KPNA1: variants seen among roughly 807,000 people sequenced by gnomAD.
The protein encoded by KPNA1 is karyopherin subunit alpha 1.
Under a neutral mutation model 70.5 loss-of-function variants are expected in KPNA1, and 10 were observed. That is an observed-to-expected ratio of 0.14 (90% CI 0.09 to 0.24). The LOEUF (loss-of-function observed/expected upper bound fraction) is 0.24. Ranked by LOEUF, KPNA1 falls within the 10% of genes least tolerant of loss-of-function variation. The probability of loss-of-function intolerance (pLI) is 1.00; values close to 1 mark genes in which losing one functional copy is unlikely to be tolerated. For synonymous variants in KPNA1, 192 were observed against 221.9 expected, an observed-to-expected ratio of 0.87 and a Z score of 1.20; for missense variants, 397 against 637.9, an observed-to-expected ratio of 0.62 and a Z score of 4.07.
intron 1 of KPNA1, among the ~76,000 whole-genome samples, chr3:122,497,307 A>T (rs934772235): frequency 6.6e-6 from 1 of 152,190 alleles, no homozygotes; most frequent in African/African-American, 2.4e-5. Flanking sequence ...CTATATATAT[A>T]CCCAATTCTA....
At chr3:122,483,381 G>T (rs913606446) in intron 2 of KPNA1, among the ~76,000 whole-genome samples, 2 of 151,914 alleles carry the variant, frequency 1.3e-5, no homozygotes, top group African/African-American at 4.8e-5. Context: ...TTTCACTCTT[G>T]TTGCCGAGGC....
At chr3:122,468,132 T>C (rs1025999910) in intron 2 of KPNA1, among the ~76,000 whole-genome samples, 11 of 152,304 alleles carry the variant, frequency 7.2e-5, no homozygotes, top group South Asian at 2.1e-4. Context: ...GTTTCAGCCA[T>C]TGGACAATAA....
Position 122,427,020 on chromosome 3 carries a change from G to A in KPNA1, c.1582C>T (p.Gln528Ter), listed in dbSNP as rs1347770819. ...AAACCTTCCATAGGAGCCTCACACT[G>A]TTGGAAGATGTACTGCTGCTGGTTA... is the stretch of plus-strand genomic sequence containing the variant. Reference protein sequence around the residue: ...DLNQQQYIFQQCEAPMEGFQL With the variant: ...DLNQQQYIFQ Residue 528 changes from glutamine (Q) to a stop codon, truncating the protein, a stop_gained, in exon 14 of 14, where the codon CAG becomes TAG. Coordinates refer to ENST00000344337, the MANE Select transcript of KPNA1 (RefSeq NM_002264.4). LOFTEE classifies it high-confidence loss of function. The A allele has an allele frequency of 6.2e-7, 1 of 1,614,206 alleles. No individual in the cohort carries two copies. Among genetic ancestry groups the A allele is most frequent in the Non-Finnish European group, 8.5e-7 (1 of 1,180,032 alleles).
intron 11 of KPNA1, among the ~76,000 whole-genome samples, 180 bp downstream of exon 11, chr3:122,436,990 G>C (rs989783273): frequency 6.6e-6 from 1 of 152,144 alleles, no homozygotes; most frequent in African/African-American, 2.4e-5. Context: ...ATGTTGACCA[G>C]GATAGTCTTG....
intron 2 of KPNA1, among the ~76,000 whole-genome samples, chr3:122,486,279 T>A (rs1272116234): frequency 6.6e-6 from 1 of 152,204 alleles, no homozygotes; most frequent in East Asian, 1.9e-4. Context: ...TACAAAAGAA[T>A]ACTATTCAAT....
intron 4 of KPNA1, among the ~76,000 whole-genome samples, chr3:122,462,661 G>A (rs1384206104): frequency 6.6e-6 from 1 of 151,782 alleles, no homozygotes; most frequent in South Asian, 2.1e-4. Flanking sequence ...TTTAAAAGGG[G>A]TGAGGAAGTG....
At chr3:122,476,483 T>C (rs1229530868) in intron 2 of KPNA1, among the ~76,000 whole-genome samples, 1 of 152,036 alleles carries the variant, frequency 6.6e-6, no homozygotes, top group African/African-American at 2.4e-5. Context: ...AAGAGATAAT[T>C]TATGCAACAG....
rs190962005 is a variant in KPNA1, at chr3:122,504,861, C to A, written c.-5-8291G>T. Among the ~76,000 whole-genome samples, 14 of 151,846 alleles carry A rather than the reference C, an allele frequency of 9.2e-5. No homozygotes were observed. In the East Asian group the frequency reaches 2.7e-3, roughly 29 times the overall value. On this transcript the variant is annotated intron_variant, in intron 1 of 13. Transcript: ENST00000344337. ...CAGTATCCATAAATGAGATTCGTTG[C>A]CCCCTCTTAGGATGGAGAGGGGATT...
Position 122,425,914 on chromosome 3 carries a change from A to C in KPNA1, c.*1071T>G, listed in dbSNP as rs989823524. 6.6e-6 allele frequency: 1 copy of C among 152,620 alleles called. No homozygotes were observed. The highest frequency in any genetic ancestry group is 1.5e-5 in the Non-Finnish European group (1 of 68,034). The allele number at this position is 152,620 out of a possible 1,614,324, so 9.5% of individuals were successfully genotyped here. On this transcript the variant is annotated 3_prime_UTR_variant, in exon 14 of 14. Transcript: ENST00000344337. ...GATTAGAATCGAGCTGCACCTAAGAAAAAAATCCCAAAGTTACTTTCAAAA... is the reference window on the plus strand; with the variant it reads ...GATTAGAATCGAGCTGCACCTAAGACAAAAATCCCAAAGTTACTTTCAAAA...
At chr3:122,435,181 TACACACACACAA>T (rs1560017692) in intron 11 of KPNA1, among the ~76,000 whole-genome samples, 1 of 152,118 alleles carries the variant, frequency 6.6e-6, no homozygotes, top group Non-Finnish European at 1.5e-5. Context: ...GATGCTTCAA[TACACACACACAA>T]ACACACACAC....
At chr3:122,438,386 TTTTG>T (rs2076017441) in intron 10 of KPNA1, among the ~76,000 whole-genome samples, 1 of 144,340 alleles carries the variant, frequency 6.9e-6, no homozygotes, top group Admixed American at 6.7e-5. Flanking sequence ...GGTATTTCTT[TTTTG>T]TTTTTTTTTT....
chr3:122,502,750 T>C (rs991548630), intron 1 of KPNA1, among the ~76,000 whole-genome samples: 1 of 152,206 alleles, frequency 6.6e-6, no homozygotes, highest in African/African-American at 2.4e-5. Context: ...GCTGGTTTCC[T>C]GAAGCAGGCA....
In KPNA1 at chr3:122,422,431, T is replaced by C. The variant is rs1427135120; in HGVS notation, c.*4554A>G. On this transcript the variant is annotated 3_prime_UTR_variant, in exon 14 of 14. Coordinates refer to ENST00000344337, the MANE Select transcript of KPNA1 (RefSeq NM_002264.4). ...CACAGAAGAGGAAAGATGTTTGGCC[T>C]GAGAGGGCCTACACTCCAGTCTGTG... is the stretch of plus-strand genomic sequence containing the variant. The C allele has an allele frequency of 6.6e-6, 1 of 151,836 alleles. No homozygotes were observed. Among genetic ancestry groups the C allele is most frequent in the Non-Finnish European group, 1.5e-5 (1 of 67,964 alleles). 9.4% of individuals were successfully genotyped at this position (151,836 alleles called of 1,614,324 possible). A position where few individuals can be genotyped will look rare whatever the true frequency, so the allele number is the denominator to read the frequency against.
chr3:122,461,405 C>T (rs923057399), intron 4 of KPNA1, 87 bp from the exon 5 acceptor site: 4 of 762,250 alleles, frequency 5.2e-6, no homozygotes, highest in Non-Finnish European at 9.0e-6. Flanking sequence ...ACATCCCTCC[C>T]TCCATTTACC....
At chr3:122,484,791 T>C (rs911156721) in intron 2 of KPNA1, among the ~76,000 whole-genome samples, 4 of 152,240 alleles carry the variant, frequency 2.6e-5, no homozygotes, top group African/African-American at 9.6e-5. Flanking sequence ...AACTGATTTA[T>C]AGATTCAACA....
intron 5 of KPNA1, chr3:122,459,301 A>T (rs2076297059): frequency 2.8e-6 from 1 of 359,270 alleles, no homozygotes; most frequent in South Asian, 1.1e-4. Context: ...TATACCATCT[A>T]TATTTAATGC....
Position 122,430,055 on chromosome 3 carries a change from A to G in KPNA1, c.1251-2339T>C, listed in dbSNP as rs182301530. On this transcript the variant is annotated intron_variant, in intron 12 of 13. Transcript: ENST00000344337. ...ATCTGATCCACTGCTGAATATCTCAACTGTATTTTTATTTCATTCATTAAA... is the reference window on the plus strand; with the variant it reads ...ATCTGATCCACTGCTGAATATCTCAGCTGTATTTTTATTTCATTCATTAAA... 1.5e-3 allele frequency among the ~76,000 whole-genome samples: 222 copies of G among 151,976 alleles called. 2 individuals are homozygous for G. The highest frequency in any genetic ancestry group is 5.3e-4 in the Non-Finnish European group (36 of 67,988).
rs770611758 is a variant in KPNA1 at position 122,451,004 on chromosome 3, G to A, written c.753+530C>T. Among the ~76,000 whole-genome samples, 54 of 152,254 alleles carry A rather than the reference G, an allele frequency of 3.5e-4. 1 individual carries two copies. The highest frequency in any genetic ancestry group is 3.9e-4 in the Admixed American group (6 of 15,300). Reference sequence around the variant, plus strand: ...TTTGGGGACTCAGGGAGAAAGGGTCGGAGGTGGGTGAGAGATAAAGGACTA... The same window carrying A: ...TTTGGGGACTCAGGGAGAAAGGGTCAGAGGTGGGTGAGAGATAAAGGACTA... On this transcript the variant is annotated intron_variant, in intron 8 of 13. Transcript: ENST00000344337.
chr3:122,471,743 C>T (rs1283654790), intron 2 of KPNA1, among the ~76,000 whole-genome samples: 1 of 151,748 alleles, frequency 6.6e-6, no homozygotes, highest in African/African-American at 2.4e-5. Flanking sequence ...TGCATTGAGC[C>T]GAGATCGCGC....
Sources: allele counts gnomAD v4.1 joint callset (sites outside exome capture counted in the v4.1 genomes callset), GRCh38; gene constraint gnomAD v4.1.1; transcripts MANE v1.5; gene names NCBI Gene and HGNC (gene_info 2026-07-23, HGNC 2026-07-21).